Variants in SMC5 observed in about 807,000 individuals in gnomAD.
SMC5 encodes structural maintenance of chromosomes protein 5.
A neutral mutation model predicts 148.3 loss-of-function variants in SMC5; 88 were observed. That is an observed-to-expected ratio of 0.59 (90% CI 0.50 to 0.71). The LOEUF (loss-of-function observed/expected upper bound fraction) is 0.71, where lower values mean the gene tolerates loss of function less well. SMC5 is among the 30% of genes least tolerant of loss of function. The pLI, the probability that SMC5 is intolerant of heterozygous loss-of-function variation, is 0.00. For missense variants in SMC5, 1,142 were observed against 1,298.9 expected, an observed-to-expected ratio of 0.88 and a Z score of 1.86; for synonymous variants, 421 against 432.8, an observed-to-expected ratio of 0.97 and a Z score of 0.34.
intron 24 of SMC5, 53 bp from the exon 25 acceptor site, chr9:70,352,138 A>G (rs1267409655): frequency 6.8e-7 from 1 of 1,464,138 alleles, no homozygotes; most frequent in Non-Finnish European, 9.3e-7. Flanking sequence ...AAGGTTGGAA[A>G]ACTATACTTC....
chr9:70,352,103 A>G (rs191906009), intron 24 of SMC5, 88 bp from the exon 25 acceptor site: 13 of 1,216,594 alleles, frequency 1.1e-5, no homozygotes, highest in Admixed American at 2.5e-5. Context: ...TGCAAATAAA[A>G]TAATACATTT....
At chr9:70,331,867 G>A (rs546910911) in intron 17 of SMC5, among the ~76,000 whole-genome samples, 1 of 152,244 alleles carries the variant, frequency 6.6e-6, no homozygotes, top group Non-Finnish European at 1.5e-5. Context: ...GGCAGCACAG[G>A]ACAGTGATCC....
chr9:70,339,754 T>G (rs1339233646), intron 17 of SMC5, among the ~76,000 whole-genome samples: 1 of 152,186 alleles, frequency 6.6e-6, no homozygotes, highest in Non-Finnish European at 1.5e-5. Context: ...AGATTGTATT[T>G]ATGAGGGGAC....
At chr9:70,279,336 A>C (rs2034681077) in intron 5 of SMC5, among the ~76,000 whole-genome samples, 2 of 151,386 alleles carry the variant, frequency 1.3e-5, no homozygotes, top group African/African-American at 4.9e-5. Context: ...GGCAACAGGG[A>C]GACCCTGTCT....
chr9:70,264,178 A>T (rs2034212136), intron 1 of SMC5, 126 bp from the exon 2 acceptor site: 2 of 799,724 alleles, frequency 2.5e-6, no homozygotes, highest in Admixed American at 7.1e-5. Context: ...AAAAACCTAT[A>T]AAAAAACATT....
intron 3 of SMC5, among the ~76,000 whole-genome samples, chr9:70,271,262 A>C (rs972944925): frequency 1.8e-4 from 27 of 152,164 alleles, no homozygotes; most frequent in Non-Finnish European, 2.9e-5. Context: ...ATATAACTTT[A>C]AAAAAGTTAA....
rs776684676 is a variant in SMC5 at position 70,298,001 on chromosome 9, A to C, written c.1089A>C (p.Gln363His). 8.1e-6 allele frequency: 13 copies of C among 1,613,696 alleles called. No individual in the cohort carries two copies. The highest frequency in any genetic ancestry group is 5.0e-5 in the Admixed American group (3 of 59,968). Residue 363 changes from glutamine (Q) to histidine (H), a missense_variant, in exon 9 of 25, where the codon CAA becomes CAC. Transcript: ENST00000361138. ...EELQQALIVKQNEELDRQRRI... is the reference protein window; with the variant it reads ...EELQQALIVKHNEELDRQRRI... The stretch of plus-strand genomic sequence containing the variant: ...TTCAGCAGGCTTTAATAGTAAAGCA[A>C]AATGAAGAGCTTGACCGACAGAGGA...
intron 6 of SMC5, among the ~76,000 whole-genome samples, chr9:70,281,873 C>G (rs1399565798): frequency 6.6e-6 from 1 of 150,636 alleles, no homozygotes; most frequent in African/African-American, 2.4e-5. Flanking sequence ...TTTTGATGTA[C>G]TTATATGTTT....
At chr9:70,310,596 A>T (rs2035631660) in intron 11 of SMC5, among the ~76,000 whole-genome samples, 3 of 152,212 alleles carry the variant, frequency 2.0e-5, no homozygotes, top group African/African-American at 7.2e-5. Context: ...CTTCAACTTA[A>T]AAGTCAGTAG....
At position 70,259,024 on chromosome 9, in the gene SMC5, C is replaced by A. The variant is rs982095089; in HGVS notation, c.-55C>A. ...CCTGGGTGGATGGGCGCTTGGGCGC[C>A]TGGGCTGCCGGACGGTGGGAACGGA... On this transcript the variant is annotated 5_prime_UTR_variant, in exon 1 of 25. It adds an upstream start codon to the 5' untranslated region. Transcript: ENST00000361138. 6.6e-7 allele frequency: 1 copy of A among 1,523,688 alleles called. No individual in the cohort carries two copies. The highest frequency in any genetic ancestry group is 1.3e-5 in the South Asian group (1 of 79,136). 94.4% of individuals were successfully genotyped at this position (1,523,688 alleles called of 1,614,324 possible). A position where few individuals can be genotyped will look rare whatever the true frequency, so the allele number is the denominator to read the frequency against.
At position 70,349,177 on chromosome 9, in the gene SMC5, C is replaced by T. The variant is rs371408958; in HGVS notation, c.2890-937C>T. ...CACCTCCTGAGTTCAAGCTATTCTT[C>T]GGCTTCAGACTCCCAAGTAGCTGGG... On this transcript the variant is annotated intron_variant, in intron 22 of 24. Transcript: ENST00000361138. Among the ~76,000 whole-genome samples the T allele has an allele frequency of 7.2e-5, 11 of 152,342 alleles. No homozygotes were observed. The East Asian group carries it at 1.2e-3, about 16-fold the overall frequency.
intron 5 of SMC5, 29 bp downstream of exon 5, chr9:70,278,654 T>G (rs1267234551): frequency 6.4e-7 from 1 of 1,573,046 alleles, no homozygotes; most frequent in East Asian, 2.3e-5. Context: ...TCATTTGTAT[T>G]GTTTCTTATT....
At chr9:70,321,374 A>G (rs1231755918) in intron 15 of SMC5, among the ~76,000 whole-genome samples, 1 of 151,636 alleles carries the variant, frequency 6.6e-6, no homozygotes, top group Non-Finnish European at 1.5e-5. Context: ...ACAAAATGTA[A>G]ATATAATATT....
intron 22 of SMC5, among the ~76,000 whole-genome samples, chr9:70,348,408 A>T (rs1324287077): frequency 2.0e-5 from 3 of 152,064 alleles, no homozygotes; most frequent in African/African-American, 7.2e-5. Flanking sequence ...TTAAGAATTC[A>T]TGGTCAGGTG....
chr9:70,265,826 C>T (rs1301678819), intron 2 of SMC5, among the ~76,000 whole-genome samples: 1 of 152,126 alleles, frequency 6.6e-6, no homozygotes, highest in Non-Finnish European at 1.5e-5. Context: ...AATTCGATTC[C>T]CAACTCAAAT....
intron 8 of SMC5, among the ~76,000 whole-genome samples, chr9:70,293,445 G>A (rs1349734556): frequency 2.7e-5 from 4 of 148,092 alleles, no homozygotes; most frequent in African/African-American, 1.0e-4. Flanking sequence ...TCTGTTTTCC[G>A]TTTCATTGAT....
chr9:70,268,543 A>G (rs1312851049), intron 3 of SMC5, among the ~76,000 whole-genome samples: 1 of 151,924 alleles, frequency 6.6e-6, no homozygotes, highest in Non-Finnish European at 1.5e-5. Context: ...AAATAGAACT[A>G]TACTACTATT....
At chr9:70,280,395 T>C (rs879703395) in intron 5 of SMC5, among the ~76,000 whole-genome samples, 27 of 152,246 alleles carry the variant, frequency 1.8e-4, no homozygotes, top group Non-Finnish European at 2.4e-4. Context: ...TATATCACTT[T>C]TACAGCTTTT....
rs2036844978 is a variant in SMC5, at chr9:70,353,353, CTG to C, written c.*1024_*1025del. On this transcript the variant is annotated 3_prime_UTR_variant, in exon 25 of 25. Transcript: ENST00000361138. ...ATTATCTTAGAAAATCTAGTTTAAA[CTG>C]TTTTCTTTCACCGCAAAAGAATTAA... is the stretch of plus-strand genomic sequence containing the variant. The C allele has an allele frequency of 6.6e-6, 1 of 152,036 alleles. No individual in the cohort carries two copies. 9.4% of individuals were successfully genotyped at this position (152,036 alleles called of 1,614,324 possible).
Sources: gnomAD v4.1 joint callset for allele counts (sites outside exome capture counted in the v4.1 genomes callset) on GRCh38, gnomAD v4.1.1 for gene constraint, MANE v1.5 for transcripts, NCBI Gene and HGNC (gene_info 2026-07-23, HGNC 2026-07-21) for gene names.